TOR1AIP1: variants seen among roughly 807,000 people sequenced by gnomAD.
TOR1AIP1 encodes the protein torsin-1A-interacting protein 1.
In TOR1AIP1, 54 loss-of-function variants were observed where a neutral mutation model predicts 63.3. The ratio of observed to expected loss-of-function variants is 0.85; its 90% CI spans 0.69 to 1.07. The LOEUF is 1.07. Among genes scored for constraint, TOR1AIP1 ranks in the 50% least tolerant of loss-of-function variants. TOR1AIP1 has a pLI of 0.00. For synonymous variants in TOR1AIP1, 294 were observed against 273.5 expected (o/e 1.07, Z -0.74); for missense variants, 736 against 715.0 (o/e 1.03, Z -0.33).
In TOR1AIP1 at chr1:179,882,433, C is replaced by A. The variant is rs1327025067; in HGVS notation, c.-70C>A. On this transcript the variant is annotated 5_prime_UTR_variant, in exon 1 of 10. Transcript: ENST00000606911. ...GCCCAACACCCCCGAGAAGCCATCG[C>A]CACCACCGGCAGGAGAACCTAGGGT... 4.4e-6 allele frequency: 6 copies of A among 1,349,134 alleles called. No individual in the cohort carries two copies. The highest frequency in any genetic ancestry group is 5.8e-6 in the Non-Finnish European group (6 of 1,040,586). 83.6% of individuals were successfully genotyped at this position (1,349,134 alleles called of 1,614,324 possible).
rs1181971594 is a variant in TOR1AIP1, at chr1:179,919,514, T to C, written c.*1275T>C. ...TTTTATGGAGTGCCTCAAGCCAAGA[T>C]AGTGAATTTATATGAAGGGTGTGAA... On this transcript the variant is annotated 3_prime_UTR_variant, in exon 10 of 10. Transcript: ENST00000606911. 6.6e-6 allele frequency: 1 copy of C among 152,220 alleles called. No individual in the cohort carries two copies. Among genetic ancestry groups the C allele is most frequent in the East Asian group, 1.9e-4 (1 of 5,202 alleles). The allele number at this position is 152,220 out of a possible 1,614,324, so 9.4% of individuals were successfully genotyped here.
chr1:179,890,828 C>T lies in TOR1AIP1; in HGVS notation c.610+1459C>T, dbSNP rs536778949. On this transcript the variant is annotated intron_variant, in intron 3 of 9. Coordinates refer to ENST00000606911, the MANE Select transcript of TOR1AIP1 (RefSeq NM_015602.4). The stretch of plus-strand genomic sequence containing the variant: ...AGAGATGGGGTTTCACCATGTTGCC[C>T]AGGCTAGTCTCGAATTCCTGGGCTC... 2.0e-5 allele frequency among the ~76,000 whole-genome samples: 3 copies of T among 152,274 alleles called. No individual in the cohort carries two copies. The South Asian group carries it at 6.2e-4, about 32-fold the overall frequency.
At chr1:179,915,033 T>A (rs1024915900) in intron 9 of TOR1AIP1, among the ~76,000 whole-genome samples, 1 of 152,184 alleles carries the variant, frequency 6.6e-6, no homozygotes, top group African/African-American at 2.4e-5. Context: ...TTTTTTCTAA[T>A]CTCTTTAATG....
intron 9 of TOR1AIP1, among the ~76,000 whole-genome samples, chr1:179,914,693 C>T (rs997548990): frequency 6.6e-6 from 1 of 151,906 alleles, no homozygotes; most frequent in Non-Finnish European, 1.5e-5. Context: ...ACTCAGGAGG[C>T]TGAGGCAGGA....
Position 179,882,879 on chromosome 1 carries a change from G to C in TOR1AIP1, c.377G>C (p.Arg126Thr), listed in dbSNP as rs201972728. Residue 126 changes from arginine to threonine, a missense_variant, in exon 1 of 10, where the codon AGG becomes ACG. Physicochemically the swap from Arg to Thr is moderately conservative, Grantham distance 71. Coordinates refer to ENST00000606911, the MANE Select transcript of TOR1AIP1 (RefSeq NM_015602.4). ...PQETEEMKTR[R>T]TTRLQQQHSE... ...GAAACCGAGGAAATGAAGACGCGAA[G>C]GACTACCCGCCTTCAGCAGCAGCAC... 11 of 1,614,194 alleles carry C rather than the reference G, an allele frequency of 6.8e-6. No homozygotes were observed. Among genetic ancestry groups the C allele is most frequent in the African/African-American group, 2.7e-5 (2 of 75,062 alleles).
At chr1:179,884,014 T>G (rs1165575125) in intron 1 of TOR1AIP1, 1 of 180,362 alleles carries the variant, frequency 5.5e-6, no homozygotes, top group Non-Finnish European at 1.2e-5. Flanking sequence ...CAAGTTTACC[T>G]GCTGACTCGT....
intron 2 of TOR1AIP1, among the ~76,000 whole-genome samples, chr1:179,888,239 A>G (rs947073913): frequency 1.3e-5 from 2 of 152,208 alleles, no homozygotes; most frequent in Non-Finnish European, 2.9e-5. Context: ...TATGTGGAGT[A>G]ACAGGAACTA....
At chr1:179,915,297 T>C (rs913362456) in intron 9 of TOR1AIP1, among the ~76,000 whole-genome samples, 1 of 152,262 alleles carries the variant, frequency 6.6e-6, no homozygotes, top group African/African-American at 2.4e-5. Context: ...CTCTATTACA[T>C]TAAAAGTCAT....
At chr1:179,912,541 A>G (rs1648874725) in intron 8 of TOR1AIP1, among the ~76,000 whole-genome samples, 1 of 152,192 alleles carries the variant, frequency 6.6e-6, no homozygotes, top group Non-Finnish European at 1.5e-5. Context: ...TGCACTTCAC[A>G]GCATTTTTGT....
chr1:179,898,069 T>C (rs1301928011), intron 3 of TOR1AIP1, among the ~76,000 whole-genome samples: 2 of 151,638 alleles, frequency 1.3e-5, no homozygotes, highest in Admixed American at 1.3e-4. Context: ...ACCACTGCAC[T>C]CCAGCCTGGA....
intron 3 of TOR1AIP1, among the ~76,000 whole-genome samples, chr1:179,890,562 A>G (rs1648037788): frequency 6.6e-6 from 1 of 152,230 alleles, no homozygotes; most frequent in African/African-American, 2.4e-5. Flanking sequence ...TACAAAACAA[A>G]TAGAAATACT....
At chr1:179,897,263 T>C (rs1648312694) in intron 3 of TOR1AIP1, among the ~76,000 whole-genome samples, 1 of 152,154 alleles carries the variant, frequency 6.6e-6, no homozygotes, top group African/African-American at 2.4e-5. Flanking sequence ...AGTATTAAAA[T>C]CAAATGGGGA....
At chr1:179,894,175 C>T (rs904037206) in intron 3 of TOR1AIP1, among the ~76,000 whole-genome samples, 7 of 149,738 alleles carry the variant, frequency 4.7e-5, no homozygotes, top group Admixed American at 2.7e-4. Context: ...GGCGTGAACC[C>T]GGAAGGCAGA....
rs535539664 is a variant in TOR1AIP1, at chr1:179,887,209, C to G, written c.554-2104C>G. Among the ~76,000 whole-genome samples, 6 of 151,292 alleles carry G rather than the reference C, an allele frequency of 4.0e-5. 1 individual carries two copies. The highest frequency in any genetic ancestry group is 3.3e-4 in the Admixed American group (5 of 15,174). On this transcript the variant is annotated intron_variant, in intron 2 of 9. Coordinates refer to ENST00000606911, the MANE Select transcript of TOR1AIP1 (RefSeq NM_015602.4). ...GGTCAGGAGTTCGAGACCAGCCTGG[C>G]CAATATGGTGAAAACCCCATCTCTA...
At position 179,901,375 on chromosome 1, in the gene TOR1AIP1, T is replaced by G. The variant is rs993519773; in HGVS notation, c.726T>G (p.Ser242=). ...VTTVKARSRD[S]DESGDKTTRS... is the part of the protein sequence containing the mutation. ...CTGTTAAGGCCAGATCCAGGGATTC[T>G]GATGAATCTGGAGGTAATATTGCTT... The change falls in exon 5 of 10, where the codon TCT becomes TCG. Residue 242 remains serine (S), a synonymous_variant. Transcript: ENST00000606911. 6.2e-7 allele frequency: 1 copy of G among 1,603,278 alleles called. No individual in the cohort carries two copies. Among genetic ancestry groups the G allele is most frequent in the Non-Finnish European group, 8.5e-7 (1 of 1,173,076 alleles).
At chr1:179,912,044 T>C (rs1648859844) in intron 8 of TOR1AIP1, among the ~76,000 whole-genome samples, 1 of 149,954 alleles carries the variant, frequency 6.7e-6, no homozygotes, top group Admixed American at 6.7e-5. Context: ...TTCTTTTTTT[T>C]GAAACGGTCT....
Position 179,894,206 on chromosome 1 carries a change from C to T in TOR1AIP1, c.610+4837C>T, listed in dbSNP as rs557343946. 6.7e-5 allele frequency among the ~76,000 whole-genome samples: 10 copies of T among 149,510 alleles called. No individual in the cohort carries two copies. The South Asian group carries it at 1.7e-3, about 26-fold the overall frequency. On this transcript the variant is annotated intron_variant, in intron 3 of 9. Coordinates refer to ENST00000606911, the MANE Select transcript of TOR1AIP1 (RefSeq NM_015602.4). Reference sequence around the variant, plus strand: ...GCAGAGCTTGCAGTGAGCCGAGATCCCGCCACCGCACTCCAGCCTGGGCGA... The same window carrying T: ...GCAGAGCTTGCAGTGAGCCGAGATCTCGCCACCGCACTCCAGCCTGGGCGA...
intron 6 of TOR1AIP1, chr1:179,904,613 T>C (rs1220090875): frequency 1.3e-5 from 2 of 152,206 alleles, no homozygotes; most frequent in Non-Finnish European, 2.9e-5. Flanking sequence ...GTGACATTTT[T>C]TTAACTTTAT....
intron 3 of TOR1AIP1, among the ~76,000 whole-genome samples, chr1:179,892,119 T>TTGTACC (rs1237828795): frequency 6.6e-6 from 1 of 152,242 alleles, no homozygotes; most frequent in Non-Finnish European, 1.5e-5. Flanking sequence ...TTATAAATCA[T>TTGTACC]TGTACCTTCC....
Sources: allele counts gnomAD v4.1 joint callset (sites outside exome capture counted in the v4.1 genomes callset), GRCh38; gene constraint gnomAD v4.1.1; transcripts MANE v1.5; gene names NCBI Gene and HGNC (gene_info 2026-07-23, HGNC 2026-07-21).